ZNF385B: variants seen among roughly 807,000 people sequenced by gnomAD.
The protein encoded by ZNF385B is zinc finger protein 533.
Under a neutral mutation model 39.2 loss-of-function variants are expected in ZNF385B, and 23 were observed. The observed-to-expected ratio is 0.59, with a 90% CI of 0.42 to 0.83. The LOEUF (loss-of-function observed/expected upper bound fraction) is 0.83. Ranked by LOEUF, ZNF385B falls within the 40% of genes least tolerant of loss-of-function variation. ZNF385B has a pLI of 0.00. For missense variants in ZNF385B, 552 were observed against 598.9 expected (o/e 0.92, Z 0.82); for synonymous variants, 205 against 222.6 (o/e 0.92, Z 0.70).
At chr2:179,451,210 C>A (rs1455102714) in intron 6 of ZNF385B, among the ~76,000 whole-genome samples, 18 of 149,916 alleles carry the variant, frequency 1.2e-4, no homozygotes, top group Admixed American at 1.2e-3. Context: ...TGTAACTAAC[C>A]TGCACGTTGT....
intron 1 of ZNF385B, among the ~76,000 whole-genome samples, chr2:179,798,481 T>C (rs370905558): frequency 1.2e-4 from 18 of 152,144 alleles, no homozygotes; most frequent in African/African-American, 3.9e-4. Flanking sequence ...AATTCAGGAC[T>C]ACAAGTTTTC....
intron 3 of ZNF385B, among the ~76,000 whole-genome samples, chr2:179,700,390 C>T (rs1188186495): frequency 6.6e-6 from 1 of 152,196 alleles, no homozygotes; most frequent in Admixed American, 6.5e-5. Context: ...CATATTCATT[C>T]ACTCTAGGTT....
chr2:179,773,962 G>A (rs1273072886), intron 1 of ZNF385B, among the ~76,000 whole-genome samples: 1 of 152,120 alleles, frequency 6.6e-6, no homozygotes, highest in East Asian at 1.9e-4. Context: ...ATTTGTGTGG[G>A]AGGGTTTAAG....
chr2:179,675,045 T>TG (rs1191537518), intron 3 of ZNF385B, among the ~76,000 whole-genome samples: 1 of 152,112 alleles, frequency 6.6e-6, no homozygotes. Context: ...CAGTCAAAAA[T>TG]TCACAAGTAA....
chr2:179,715,638 T>G (rs923956731), intron 3 of ZNF385B, among the ~76,000 whole-genome samples: 2 of 152,178 alleles, frequency 1.3e-5, no homozygotes, highest in African/African-American at 4.8e-5. Flanking sequence ...TTCTTTGCCC[T>G]GTGTGATAAA....
chr2:179,842,796 T>A (rs1232988394), intron 1 of ZNF385B, among the ~76,000 whole-genome samples: 1 of 152,168 alleles, frequency 6.6e-6, no homozygotes, highest in Non-Finnish European at 1.5e-5. Flanking sequence ...TGCTATTTCA[T>A]CTGCTTAAAA....
intron 3 of ZNF385B, among the ~76,000 whole-genome samples, chr2:179,752,553 A>C (rs964719467): frequency 6.6e-6 from 1 of 152,218 alleles, no homozygotes; most frequent in African/African-American, 2.4e-5. Context: ...TCCCACCAAC[A>C]GTGTAAAAGT....
chr2:179,536,765 G>A lies in ZNF385B; in HGVS notation c.441+8062C>T, dbSNP rs569862353. ...GGGACATGTAGACATGCAGTAAATG[G>A]TTGTGAATGAGTGACTTTTACTAGA... On this transcript the variant is annotated intron_variant, in intron 4 of 9. Coordinates refer to ENST00000410066, the MANE Select transcript of ZNF385B (RefSeq NM_152520.6). Among the ~76,000 whole-genome samples, 119 of 152,196 alleles carry A rather than the reference G, an allele frequency of 7.8e-4. 3 individuals are homozygous for A. In the South Asian group the frequency reaches 0.02, roughly 26 times the overall value.
intron 5 of ZNF385B, among the ~76,000 whole-genome samples, chr2:179,493,493 G>GCGTGTACATATATGCGTATACATA (rs1491417110): frequency 6.7e-6 from 1 of 149,716 alleles, no homozygotes; most frequent in African/African-American, 2.4e-5. Flanking sequence ...ATGTATAAAC[G>GCGTGTACATATATGCGTATACATA]TGTGTGTACA....
At chr2:179,614,859 G>A (rs147818962) in intron 3 of ZNF385B, among the ~76,000 whole-genome samples, 113 of 152,270 alleles carry the variant, frequency 7.4e-4, no homozygotes, top group Middle Eastern at 6.8e-3. Context: ...GAGGGTAAAT[G>A]GCAGTTTTCT....
intron 5 of ZNF385B, among the ~76,000 whole-genome samples, chr2:179,498,768 A>G (rs911859063): frequency 2.6e-5 from 4 of 151,998 alleles, no homozygotes; most frequent in African/African-American, 9.6e-5. Context: ...ATGCATCTTA[A>G]AGAAACAGAG....
At chr2:179,612,459 T>C (rs1468131823) in intron 3 of ZNF385B, among the ~76,000 whole-genome samples, 6 of 152,066 alleles carry the variant, frequency 3.9e-5, no homozygotes, top group South Asian at 2.1e-4. Context: ...CCAAGCCCAG[T>C]AATGCTGTAG....
At chr2:179,555,267 C>G (rs576715367) in intron 3 of ZNF385B, among the ~76,000 whole-genome samples, 1 of 149,240 alleles carries the variant, frequency 6.7e-6, no homozygotes, top group Non-Finnish European at 1.5e-5. Flanking sequence ...TTATATAAAG[C>G]GTAAAACCAG....
chr2:179,523,990 G>T (rs1029830468), intron 4 of ZNF385B, among the ~76,000 whole-genome samples: 6 of 151,830 alleles, frequency 4.0e-5, no homozygotes, highest in African/African-American at 1.5e-4. Flanking sequence ...TAGAGACAGG[G>T]TCTCACTATG....
chr2:179,750,821 T>C (rs1411131985), intron 3 of ZNF385B, among the ~76,000 whole-genome samples: 3 of 152,104 alleles, frequency 2.0e-5, no homozygotes, highest in Admixed American at 6.6e-5. Context: ...AGAAACGCAA[T>C]GATTTGTTAT....
intron 1 of ZNF385B, among the ~76,000 whole-genome samples, chr2:179,788,719 C>T (rs140507547): frequency 6.6e-6 from 1 of 152,164 alleles, no homozygotes; most frequent in South Asian, 2.1e-4. Flanking sequence ...AATCAAAATC[C>T]GAGACTGTTC....
chr2:179,452,119 C>T (rs546442798), intron 6 of ZNF385B, among the ~76,000 whole-genome samples: 14 of 152,144 alleles, frequency 9.2e-5, no homozygotes, highest in Admixed American at 2.0e-4. Context: ...CAGAATTGTT[C>T]GTTGTAACAA....
intron 3 of ZNF385B, among the ~76,000 whole-genome samples, chr2:179,596,091 G>T (rs192663944): frequency 1.3e-5 from 2 of 152,216 alleles, no homozygotes; most frequent in Non-Finnish European, 2.9e-5. Context: ...TTCTATTGCT[G>T]CATAACAAAT....
chr2:179,787,030 T>C (rs1261477780), intron 1 of ZNF385B, among the ~76,000 whole-genome samples: 1 of 152,168 alleles, frequency 6.6e-6, no homozygotes, highest in East Asian at 1.9e-4. Flanking sequence ...GTATTAACCA[T>C]GTATTATAGC....
Sources: gnomAD v4.1 joint callset for allele counts (sites outside exome capture counted in the v4.1 genomes callset) on GRCh38, gnomAD v4.1.1 for gene constraint, MANE v1.5 for transcripts, NCBI Gene and HGNC (gene_info 2026-07-23, HGNC 2026-07-21) for gene names.